ZNF292: variants seen among roughly 807,000 people sequenced by gnomAD.
ZNF292 encodes the protein zinc finger protein 292.
In ZNF292, 26 loss-of-function variants were observed where a neutral mutation model predicts 217.9. The observed-to-expected ratio is 0.12, with a 90% CI of 0.09 to 0.17. The LOEUF is 0.17. Among genes scored for constraint, ZNF292 ranks in the 10% least tolerant of loss-of-function variants. ZNF292 has a pLI of 1.00. For missense variants in ZNF292, 2,904 were observed against 3,175.2 expected (o/e 0.91, Z 2.05); for synonymous variants, 1,257 against 1,124.1 (o/e 1.12, Z -2.37).
At position 87,256,292 on chromosome 6, in the gene ZNF292, A is replaced by C; in HGVS notation, c.2663A>C (p.Asp888Ala). 6.2e-7 allele frequency: 1 copy of C among 1,613,764 alleles called. No individual in the cohort carries two copies. Among genetic ancestry groups the C allele is most frequent in the Non-Finnish European group, 8.5e-7 (1 of 1,179,846 alleles). Reference sequence around the variant, plus strand: ...AACAGCTTACTAGCAGATAGAAGTGATGCTTGGGATAAAAGCAAAGCAGAA... The same window carrying C: ...AACAGCTTACTAGCAGATAGAAGTGCTGCTTGGGATAAAAGCAAAGCAGAA... Reference protein sequence around the residue: ...IENSLLADRSDAWDKSKAESA... With the variant: ...IENSLLADRSAAWDKSKAESA... The change falls in exon 8 of 8, where the codon GAT becomes GCT. Residue 888 changes from aspartate (D) to alanine (A), a missense_variant. Asp to Ala is a moderately radical substitution (Grantham distance 126). Transcript: ENST00000369577.
In ZNF292 at chr6:87,257,204, T is replaced by G; in HGVS notation, c.3575T>G (p.Phe1192Cys). ...AQLQHVSPPI[F>C]PAHLASVSTP... The stretch of plus-strand genomic sequence containing the variant: ...TTGCAGCATGTCTCGCCACCCATTT[T>G]TCCAGCTCATTTAGCAAGTGTGTCA... Residue 1192 changes from phenylalanine (F) to cysteine (C), a missense_variant, in exon 8 of 8, where the codon TTT (phenylalanine) becomes TGT (cysteine). Phe to Cys is a radical substitution (Grantham distance 205, BLOSUM62 -2). Transcript: ENST00000369577. 1 of 1,613,900 alleles carries G rather than the reference T, an allele frequency of 6.2e-7. No individual in the cohort carries two copies. Among genetic ancestry groups the G allele is most frequent in the Middle Eastern group, 1.6e-4 (1 of 6,062 alleles).
At chr6:87,246,028 C>T (rs1582494208) in intron 7 of ZNF292, among the ~76,000 whole-genome samples, 3 of 152,100 alleles carry the variant, frequency 2.0e-5, no homozygotes, top group South Asian at 4.1e-4. Context: ...GTCAGGAGTT[C>T]GAGACCAACC....
intron 4 of ZNF292, among the ~76,000 whole-genome samples, chr6:87,228,907 T>G (rs1251588346): frequency 6.6e-6 from 1 of 152,114 alleles, no homozygotes; most frequent in African/African-American, 2.4e-5. Context: ...GGCTTAAAGA[T>G]TCTATATGAA....
At chr6:87,161,349 T>A (rs1330112041) in intron 1 of ZNF292, among the ~76,000 whole-genome samples, 2 of 152,224 alleles carry the variant, frequency 1.3e-5, no homozygotes, top group Non-Finnish European at 2.9e-5. Context: ...AGTAAGATAA[T>A]ATTTAAATAT....
Position 87,257,212 on chromosome 6 carries a change from C to G in ZNF292, c.3583C>G (p.His1195Asp), listed in dbSNP as rs775256796. Residue 1195 changes from histidine to aspartate, a missense_variant, in exon 8 of 8, where the codon CAT becomes GAT. His to Asp is a moderately conservative substitution (Grantham distance 81). Coordinates refer to ENST00000369577, the MANE Select transcript of ZNF292 (RefSeq NM_015021.3). ...TGTCTCGCCACCCATTTTTCCAGCTCATTTAGCAAGTGTGTCAACTCCATT... is the reference window on the plus strand; with the variant it reads ...TGTCTCGCCACCCATTTTTCCAGCTGATTTAGCAAGTGTGTCAACTCCATT... ...QHVSPPIFPA[H>D]LASVSTPLLS... 6.2e-7 allele frequency: 1 copy of G among 1,613,840 alleles called. No homozygotes were observed. Among genetic ancestry groups the G allele is most frequent in the Admixed American group, 1.7e-5 (1 of 59,950 alleles).
In ZNF292 at chr6:87,261,017, GAAC is replaced by G. The variant is rs1218028798; in HGVS notation, c.7393_7395del (p.Thr2465del). On this transcript the variant is annotated inframe_deletion, in exon 8 of 8. Transcript: ENST00000369577. ...GTATCAGAGAGCAATGATAATTCAA[GAAC>G]AACAGCTACAGTTTCACAAAAGGAA... 10 of 1,604,020 alleles carry G rather than the reference GAAC, an allele frequency of 6.2e-6. No homozygotes were observed. The African/African-American group carries it at 6.7e-5, about 11-fold the overall frequency.
intron 1 of ZNF292, among the ~76,000 whole-genome samples, chr6:87,198,180 T>A (rs1404653897): frequency 1.4e-5 from 2 of 147,522 alleles, no homozygotes; most frequent in African/African-American, 2.5e-5. Context: ...TGCATGTTTA[T>A]TTTATTTATT....
Position 87,257,722 on chromosome 6 carries a change from A to G in ZNF292, c.4093A>G (p.Lys1365Glu). 1 of 1,613,568 alleles carries G rather than the reference A, an allele frequency of 6.2e-7. No individual in the cohort carries two copies. Among genetic ancestry groups the G allele is most frequent in the Non-Finnish European group, 8.5e-7 (1 of 1,179,680 alleles). ...ERKPKHNKRA[K>E]WPAIIRDGKF... ...AAAACCTAAGCACAACAAAAGGGCT[A>G]AATGGCCTGCAATTATCAGAGATGG... The change falls in exon 8 of 8, where the codon AAA becomes GAA. Residue 1365 changes from lysine to glutamate, a missense_variant. Lys to Glu is a moderately conservative substitution (Grantham distance 56). Coordinates refer to ENST00000369577, the MANE Select transcript of ZNF292 (RefSeq NM_015021.3).
chr6:87,202,251 G>T (rs999374122), intron 1 of ZNF292, among the ~76,000 whole-genome samples: 12 of 151,036 alleles, frequency 7.9e-5, no homozygotes, highest in African/African-American at 2.9e-4. Flanking sequence ...ACTTTTTTTT[G>T]AAAAGATCTT....
At chr6:87,180,437 GA>G (rs1771439552) in intron 1 of ZNF292, among the ~76,000 whole-genome samples, 1 of 88,280 alleles carries the variant, frequency 1.1e-5, no homozygotes, top group African/African-American at 8.1e-5. Flanking sequence ...AGAGCAGACA[GA>G]CCCTTGTCTA....
Position 87,254,789 on chromosome 6 carries a change from G to A in ZNF292, c.1160G>A (p.Arg387His). 6.2e-7 allele frequency: 1 copy of A among 1,613,894 alleles called. No homozygotes were observed. The change falls in exon 8 of 8, where the codon CGT (arginine) becomes CAT (histidine). Residue 387 changes from arginine to histidine, a missense_variant. Arg to His is a conservative substitution (Grantham distance 29). Coordinates refer to ENST00000369577, the MANE Select transcript of ZNF292 (RefSeq NM_015021.3). ...TTGCCTGATGATCTGGAAGTTAAAC[G>A]TGCTTGTCAACTGAGTGAATTTCTT... Reference protein sequence around the residue: ...CLLPDDLEVKRACQLSEFLIE... With the variant: ...CLLPDDLEVKHACQLSEFLIE...
Position 87,256,398 on chromosome 6 carries a change from C to A in ZNF292, c.2769C>A (p.Asn923Lys). 6.2e-7 allele frequency: 1 copy of A among 1,608,032 alleles called. No individual in the cohort carries two copies. Among genetic ancestry groups the A allele is most frequent in the Non-Finnish European group, 8.5e-7 (1 of 1,179,818 alleles). The stretch of plus-strand genomic sequence containing the variant: ...GACCATTGTCAAATGGTTTGGAAAA[C>A]CCTGCTACTACTCCTCTACTTCAAT... ...ANGPLSNGLENPATTPLLQSS... is the reference protein window; with the variant it reads ...ANGPLSNGLEKPATTPLLQSS... The change falls in exon 8 of 8, where the codon AAC (asparagine) becomes AAA (lysine). Residue 923 changes from asparagine (N) to lysine (K), a missense_variant. Physicochemically the swap from Asn to Lys is moderately conservative, Grantham distance 94. This residue lies in a region of ZNF292 where 687 missense variants were observed against 623.0 expected (regional missense o/e 1.10). Coordinates refer to ENST00000369577, the MANE Select transcript of ZNF292 (RefSeq NM_015021.3).
At chr6:87,235,227 C>T (rs1261549451) in intron 5 of ZNF292, among the ~76,000 whole-genome samples, 1 of 86,546 alleles carries the variant, frequency 1.2e-5, no homozygotes, top group Admixed American at 1.3e-4. Flanking sequence ...ATTGAAATCA[C>T]CTTTGACGTG....
intron 1 of ZNF292, among the ~76,000 whole-genome samples, chr6:87,213,185 CA>C (rs1411984232): frequency 3.3e-5 from 5 of 152,166 alleles, no homozygotes; most frequent in African/African-American, 1.2e-4. Flanking sequence ...TGGTTTGTGA[CA>C]AAAGTCTGGC....
At chr6:87,243,370 T>C (rs1774409282) in intron 5 of ZNF292, 105 bp from the exon 6 acceptor site, 2 of 988,106 alleles carry the variant, frequency 2.0e-6, no homozygotes, top group South Asian at 6.5e-5. Flanking sequence ...AATGGCATTT[T>C]ATTCATAAAA....
Position 87,233,411 on chromosome 6 carries a change from A to T in ZNF292, c.625A>T (p.Thr209Ser). 6.2e-7 allele frequency: 1 copy of T among 1,613,620 alleles called. No individual in the cohort carries two copies. Among genetic ancestry groups the T allele is most frequent in the South Asian group, 1.1e-5 (1 of 91,056 alleles). Residue 209 changes from threonine (T) to serine (S), a missense_variant, in exon 5 of 8, where the codon ACT becomes TCT. By Grantham distance (58) the Thr-to-Ser change is moderately conservative (BLOSUM62 1). Around this residue, in one of 15 missense-constraint regions of ZNF292, gnomAD observed 313 missense variants for 451.0 expected, o/e 0.69. Transcript: ENST00000369577. Reference sequence around the variant, plus strand: ...CAAAACAAATCAGTTAAGTCAAGCAACTGCTCTAGCAAAGCTGTGTTCTGA... The same window carrying T: ...CAAAACAAATCAGTTAAGTCAAGCATCTGCTCTAGCAAAGCTGTGTTCTGA... ...LIKTNQLSQA[T>S]ALAKLCSDHP...
chr6:87,183,840 A>G (rs892779012), intron 1 of ZNF292, among the ~76,000 whole-genome samples: 1 of 152,232 alleles, frequency 6.6e-6, no homozygotes, highest in African/African-American at 2.4e-5. Context: ...ACGCAGTATT[A>G]TAACTGTAGT....
chr6:87,156,668 G>C (rs9450625), intron 1 of ZNF292, among the ~76,000 whole-genome samples: 69 of 152,304 alleles, frequency 4.5e-4, no homozygotes, highest in African/African-American at 1.6e-3. Flanking sequence ...TCTGTGCTTT[G>C]GGTAGTTTCA....
intron 1 of ZNF292, among the ~76,000 whole-genome samples, chr6:87,157,053 AT>A (rs1770566956): frequency 1.3e-5 from 2 of 152,182 alleles, no homozygotes; most frequent in Admixed American, 1.3e-4. Context: ...ATTTTCACTT[AT>A]TTTTTAGCTT....
Sources: allele counts gnomAD v4.1 joint callset (sites outside exome capture counted in the v4.1 genomes callset), GRCh38; gene constraint gnomAD v4.1.1; regional missense constraint gnomAD v4.1.1; transcripts MANE v1.5; gene names NCBI Gene and HGNC (gene_info 2026-07-23, HGNC 2026-07-21).